The following PIK3AP1 variants were observed in gnomAD, a reference collection of about 807,000 sequenced individuals.
The protein encoded by PIK3AP1 is phosphoinositide 3-kinase adapter protein 1.
Under a neutral mutation model 88.1 loss-of-function variants are expected in PIK3AP1, and 21 were observed. The observed-to-expected ratio is 0.24, with a 90% CI of 0.17 to 0.34. The LOEUF is 0.34. PIK3AP1 is among the 10% of genes least tolerant of loss of function. The pLI, the probability that PIK3AP1 is intolerant of heterozygous loss-of-function variation, is 1.00. For missense variants in PIK3AP1, 828 were observed against 1,035.7 expected, an observed-to-expected ratio of 0.80 and a Z score of 2.75; for synonymous variants, 398 against 400.0, an observed-to-expected ratio of 1.00 and a Z score of 0.06.
intron 8 of PIK3AP1, among the ~76,000 whole-genome samples, chr10:96,633,669 G>C (rs1260004378): frequency 6.6e-6 from 1 of 152,136 alleles, no homozygotes; most frequent in Non-Finnish European, 1.5e-5. Context: ...CTTTAAACAG[G>C]ACCTTTATTT....
chr10:96,678,875 C>G (rs1843961338), intron 2 of PIK3AP1, among the ~76,000 whole-genome samples: 2 of 152,186 alleles, frequency 1.3e-5, no homozygotes, highest in Non-Finnish European at 2.9e-5. Context: ...AGTAGAGACA[C>G]AGACCCCTGT....
rs1848710399 is a variant in PIK3AP1 at position 96,593,712 on chromosome 10, T to C, written c.*1865A>G. On this transcript the variant is annotated 3_prime_UTR_variant, in exon 17 of 17. Transcript: ENST00000339364. Reference sequence around the variant, plus strand: ...GATCACTGAGGGAACATTTGAAGAATGCTACTAAGTGCCAGGTCCTGTACA... The same window carrying C: ...GATCACTGAGGGAACATTTGAAGAACGCTACTAAGTGCCAGGTCCTGTACA... 6.6e-6 allele frequency: 1 copy of C among 152,210 alleles called. No individual in the cohort carries two copies. The highest frequency in any genetic ancestry group is 2.1e-4 in the South Asian group (1 of 4,828). The allele number at this position is 152,210 out of a possible 1,614,324, so 9.4% of individuals were successfully genotyped here. A position where few individuals can be genotyped will look rare whatever the true frequency, so the allele number is the denominator to read the frequency against.
At chr10:96,669,839 T>C (rs1398579720) in intron 2 of PIK3AP1, among the ~76,000 whole-genome samples, 1 of 151,676 alleles carries the variant, frequency 6.6e-6, no homozygotes, top group East Asian at 1.9e-4. Flanking sequence ...ACTTGTACGA[T>C]GAGACTATAA....
chr10:96,719,742 G>A (rs1844547132), intron 1 of PIK3AP1, among the ~76,000 whole-genome samples: 1 of 152,166 alleles, frequency 6.6e-6, no homozygotes, highest in African/African-American at 2.4e-5. Flanking sequence ...AAGACGCTTG[G>A]CACCCTTTGA....
At chr10:96,602,045 G>T (rs1848906666) in intron 16 of PIK3AP1, among the ~76,000 whole-genome samples, 1 of 152,054 alleles carries the variant, frequency 6.6e-6, no homozygotes, top group African/African-American at 2.4e-5. Flanking sequence ...CATCATGCTC[G>T]GCTAATTTTT....
rs1349351590 is a variant in PIK3AP1 at position 96,706,056 on chromosome 10, A to G, written c.430+3511T>C. Among the ~76,000 whole-genome samples the G allele has an allele frequency of 2.7e-5, 4 of 150,878 alleles. No individual in the cohort carries two copies. In the South Asian group the frequency reaches 6.3e-4, roughly 24 times the overall value. On this transcript the variant is annotated intron_variant, in intron 2 of 16. Transcript: ENST00000339364. ...CTACAGGCGCCCGCCACCTCGCCCG[A>G]CTAATTTTTTGTATTTTTAGTAGAG...
At chr10:96,637,996 C>T (rs1372181875) in intron 8 of PIK3AP1, among the ~76,000 whole-genome samples, 1 of 152,156 alleles carries the variant, frequency 6.6e-6, no homozygotes, top group Non-Finnish European at 1.5e-5. Flanking sequence ...GTTCTGAGGC[C>T]TTTGGGCTAC....
chr10:96,639,175 C>T (rs1843353124), intron 8 of PIK3AP1, among the ~76,000 whole-genome samples: 1 of 152,152 alleles, frequency 6.6e-6, no homozygotes, highest in Non-Finnish European at 1.5e-5. Flanking sequence ...CTCGGGGACA[C>T]CTAACAGATG....
chr10:96,711,900 G>A lies in PIK3AP1; in HGVS notation c.14-1917C>T, dbSNP rs187394337. 9.9e-4 allele frequency among the ~76,000 whole-genome samples: 149 copies of A among 151,252 alleles called. 1 individual carries two copies. The highest frequency in any genetic ancestry group is 1.5e-3 in the Non-Finnish European group (101 of 67,784). On this transcript the variant is annotated intron_variant, in intron 1 of 16. Coordinates refer to ENST00000339364, the MANE Select transcript of PIK3AP1 (RefSeq NM_152309.3). ...CAAGTAGCTGGGACTACAGGCGCCC[G>A]CCATCACGCCCGGCTAATTTTTTTT...
At chr10:96,637,167 A>G (rs890096946) in intron 8 of PIK3AP1, among the ~76,000 whole-genome samples, 4 of 152,178 alleles carry the variant, frequency 2.6e-5, no homozygotes, top group Non-Finnish European at 5.9e-5. Flanking sequence ...AAACATTTGA[A>G]GAGAACCTGG....
At chr10:96,701,136 T>C (rs972910379) in intron 2 of PIK3AP1, among the ~76,000 whole-genome samples, 3 of 152,348 alleles carry the variant, frequency 2.0e-5, no homozygotes, top group Admixed American at 6.5e-5. Flanking sequence ...TCAGTAGGTC[T>C]GGGGTGGGGC....
intron 15 of PIK3AP1, 29 bp from the exon 16 acceptor site, chr10:96,602,427 C>A (rs756105888): frequency 4.5e-6 from 7 of 1,568,940 alleles, no homozygotes; most frequent in African/African-American, 1.4e-5. Context: ...GAAAGAAAGG[C>A]GAAAACTACA....
intron 8 of PIK3AP1, among the ~76,000 whole-genome samples, chr10:96,641,085 CCG>C (rs1491346953): frequency 8.7e-6 from 1 of 114,298 alleles, no homozygotes; most frequent in African/African-American, 3.5e-5. Context: ...TGTGAGTGTG[CCG>C]TGTGTGTGTG....
chr10:96,665,132 G>A (rs1045408426), intron 2 of PIK3AP1, among the ~76,000 whole-genome samples: 5 of 152,210 alleles, frequency 3.3e-5, no homozygotes, highest in African/African-American at 1.2e-4. Flanking sequence ...TAAGATGCCA[G>A]TAGCATCCTC....
intron 2 of PIK3AP1, among the ~76,000 whole-genome samples, chr10:96,667,801 A>G (rs1340349426): frequency 3.4e-5 from 1 of 29,198 alleles, no homozygotes; most frequent in African/African-American, 5.0e-4. Context: ...ATCAAAAAGA[A>G]AAGACTTCAA....
At chr10:96,678,876 A>G (rs1216945259) in intron 2 of PIK3AP1, among the ~76,000 whole-genome samples, 2 of 152,240 alleles carry the variant, frequency 1.3e-5, no homozygotes, top group African/African-American at 4.8e-5. Flanking sequence ...GTAGAGACAC[A>G]GACCCCTGTA....
intron 4 of PIK3AP1, 76 bp from the exon 5 acceptor site, chr10:96,651,727 C>T (rs1247648973): frequency 2.0e-6 from 3 of 1,511,644 alleles, no homozygotes; most frequent in Non-Finnish European, 2.7e-6. Flanking sequence ...TGGATATACA[C>T]ACTCCATCTG....
intron 8 of PIK3AP1, among the ~76,000 whole-genome samples, chr10:96,631,550 C>A (rs1467922487): frequency 6.6e-6 from 1 of 152,162 alleles, no homozygotes; most frequent in Admixed American, 6.5e-5. Context: ...TAACCCCTTT[C>A]CTAATGTGCT....
chr10:96,714,141 T>C (rs1397124274), intron 1 of PIK3AP1, among the ~76,000 whole-genome samples: 1 of 151,270 alleles, frequency 6.6e-6, no homozygotes, highest in Non-Finnish European at 1.5e-5. Flanking sequence ...GCCATTGCAC[T>C]CCAGCCTGGG....
Sources: gnomAD v4.1 joint callset for allele counts (sites outside exome capture counted in the v4.1 genomes callset) on GRCh38, gnomAD v4.1.1 for gene constraint, MANE v1.5 for transcripts, NCBI Gene and HGNC (gene_info 2026-07-23, HGNC 2026-07-21) for gene names.